The following SGCD variants were observed in gnomAD, a reference collection of about 807,000 sequenced individuals.
The protein encoded by SGCD is sarcoglycan delta.
In SGCD, 18 loss-of-function variants were observed where a neutral mutation model predicts 36.6. That is an observed-to-expected ratio of 0.49 (90% CI 0.34 to 0.73). The LOEUF (loss-of-function observed/expected upper bound fraction) is 0.73. Among genes scored for constraint, SGCD ranks in the 30% least tolerant of loss-of-function variants. The pLI is 0.01. For synonymous variants in SGCD, 133 were observed against 130.6 expected, an observed-to-expected ratio of 1.02 and a Z score of -0.12; for missense variants, 387 against 346.7, an observed-to-expected ratio of 1.12 and a Z score of -0.92.
chr5:155,815,714 A>C, the SGCD span, among the ~76,000 whole-genome samples: 1 of 152,120 alleles, frequency 6.6e-6, no homozygotes, highest in Non-Finnish European at 1.5e-5. Flanking sequence ...TTAAACAACC[A>C]GGTCTCATGA....
intron 1 of SGCD, among the ~76,000 whole-genome samples, chr5:155,960,559 A>G (rs952974266): frequency 1.3e-5 from 2 of 152,086 alleles, no homozygotes; most frequent in African/African-American, 4.8e-5. Flanking sequence ...AATTGTTTTC[A>G]AGATAGTCCA....
chr5:156,436,514 T>C (rs998836101), intron 3 of SGCD, among the ~76,000 whole-genome samples: 1 of 152,162 alleles, frequency 6.6e-6, no homozygotes, highest in Non-Finnish European at 1.5e-5. Context: ...TTAGGAGTTA[T>C]AATATTGTGG....
At chr5:156,359,514 C>T (rs1354561) in intron 3 of SGCD, among the ~76,000 whole-genome samples, 2 of 152,144 alleles carry the variant, frequency 1.3e-5, no homozygotes, top group South Asian at 4.1e-4. Flanking sequence ...AGCCACTTTC[C>T]TAAGGTTGCA....
intron 3 of SGCD, among the ~76,000 whole-genome samples, chr5:156,200,278 C>G (rs938071377): frequency 1.3e-5 from 2 of 151,968 alleles, no homozygotes; most frequent in African/African-American, 4.8e-5. Context: ...TGCAAAACAG[C>G]AGTAATCAAG....
chr5:156,171,595 T>G (rs1489225501), intron 3 of SGCD, among the ~76,000 whole-genome samples: 3 of 152,196 alleles, frequency 2.0e-5, no homozygotes, highest in Non-Finnish European at 4.4e-5. Context: ...GTGCAAATGT[T>G]AATTTCTGTT....
At chr5:156,533,111 GC>G (rs1757956316) in intron 4 of SGCD, among the ~76,000 whole-genome samples, 1 of 152,102 alleles carries the variant, frequency 6.6e-6, no homozygotes, top group African/African-American at 2.4e-5. Flanking sequence ...CAGGACGCTT[GC>G]CAGTTTCATG....
intron 1 of SGCD, among the ~76,000 whole-genome samples, chr5:155,914,763 A>C (rs1380792964): frequency 6.6e-6 from 1 of 152,156 alleles, no homozygotes; most frequent in Non-Finnish European, 1.5e-5. Context: ...ACTTCACATA[A>C]TTTGTTTCTT....
intron 3 of SGCD, among the ~76,000 whole-genome samples, chr5:156,383,287 T>C (rs1176708761): frequency 1.3e-5 from 2 of 152,016 alleles, no homozygotes; most frequent in Non-Finnish European, 2.9e-5. Context: ...GCAGATCACT[T>C]GAGGTCAGGA....
At chr5:156,228,581 C>G (rs540321855) in intron 3 of SGCD, among the ~76,000 whole-genome samples, 1 of 152,224 alleles carries the variant, frequency 6.6e-6, no homozygotes, top group East Asian at 1.9e-4. Flanking sequence ...TGGCTGGTAT[C>G]TGATCAATTC....
intron 6 of SGCD, among the ~76,000 whole-genome samples, chr5:156,626,122 C>G (rs984975275): frequency 2.6e-5 from 4 of 152,112 alleles, no homozygotes; most frequent in Non-Finnish European, 5.9e-5. Flanking sequence ...CAAGACAGCC[C>G]CCTACAACAA....
At chr5:156,224,429 GA>G (rs1764796746) in intron 3 of SGCD, among the ~76,000 whole-genome samples, 1 of 152,066 alleles carries the variant, frequency 6.6e-6, no homozygotes, top group African/African-American at 2.4e-5. Context: ...GGAAAGCAAA[GA>G]AACAAACAAA....
rs527921923 is a variant in SGCD, at chr5:156,386,606, G to A, written c.192+41929G>A. On this transcript the variant is annotated intron_variant, in intron 3 of 8. Coordinates refer to ENST00000337851, the MANE Select transcript of SGCD (RefSeq NM_000337.6). ...GGTGCTAATAGTCCCTTGCGATGCC[G>A]CCATATATCTTAATGAAATGAAGGA... Among the ~76,000 whole-genome samples, 9 of 152,326 alleles carry A rather than the reference G, an allele frequency of 5.9e-5. No individual in the cohort carries two copies. The South Asian group carries it at 1.2e-3, about 21-fold the overall frequency.
chr5:156,510,101 A>G (rs968725782), intron 4 of SGCD, among the ~76,000 whole-genome samples: 2 of 152,250 alleles, frequency 1.3e-5, no homozygotes, highest in Non-Finnish European at 2.9e-5. Flanking sequence ...CTAAATTTCA[A>G]ATAAGTTTAC....
At position 156,369,337 on chromosome 5, in the gene SGCD, A is replaced by G. The variant is rs187574694; in HGVS notation, c.192+24660A>G. Among the ~76,000 whole-genome samples the G allele has an allele frequency of 3.3e-5, 5 of 152,314 alleles. No homozygotes were observed. The East Asian group carries it at 9.6e-4, about 29-fold the overall frequency. The stretch of plus-strand genomic sequence containing the variant: ...TGGGGGCTTTGGATTAGGAGTCAAG[A>G]CATCCCACTGGCAAACCTGCATCTA... On this transcript the variant is annotated intron_variant, in intron 3 of 8. Transcript: ENST00000337851.
At chr5:155,852,155 T>G in the SGCD span, among the ~76,000 whole-genome samples, 4 of 152,214 alleles carry the variant, frequency 2.6e-5, no homozygotes, top group South Asian at 2.1e-4. Flanking sequence ...AAAAAAGTTT[T>G]CTTCTGAAGT....
At chr5:156,465,638 A>G (rs1258693549) in intron 3 of SGCD, among the ~76,000 whole-genome samples, 2 of 152,130 alleles carry the variant, frequency 1.3e-5, no homozygotes, top group Non-Finnish European at 2.9e-5. Context: ...CTGTATCTCC[A>G]AGACTGTTGC....
At chr5:156,389,320 G>C (rs1199009338) in intron 3 of SGCD, among the ~76,000 whole-genome samples, 1 of 152,188 alleles carries the variant, frequency 6.6e-6, no homozygotes, top group East Asian at 1.9e-4. Context: ...GGTTAGGGAA[G>C]CCATTCATAT....
chr5:156,021,648 A>C (rs1759100521), intron 1 of SGCD, among the ~76,000 whole-genome samples: 1 of 152,204 alleles, frequency 6.6e-6, no homozygotes, highest in Non-Finnish European at 1.5e-5. Context: ...CAAGAAGAGC[A>C]GAAGTTAACT....
chr5:156,586,055 A>T (rs917428160), intron 4 of SGCD, among the ~76,000 whole-genome samples: 2 of 138,870 alleles, frequency 1.4e-5, no homozygotes, highest in African/African-American at 3.0e-5. Flanking sequence ...TATTTTGATT[A>T]CTTTGGTGTT....
Sources: allele counts gnomAD v4.1 joint callset (sites outside exome capture counted in the v4.1 genomes callset), GRCh38; gene constraint gnomAD v4.1.1; transcripts MANE v1.5; gene names NCBI Gene and HGNC (gene_info 2026-07-23, HGNC 2026-07-21).